The following DENND5B variants were observed in gnomAD, a reference collection of about 807,000 sequenced individuals.
The protein encoded by DENND5B is DENN domain-containing protein 5B.
A neutral mutation model predicts 140.6 loss-of-function variants in DENND5B; 34 were observed. That is an observed-to-expected ratio of 0.24 (90% CI 0.18 to 0.32). DENND5B has a LOEUF of 0.32. DENND5B is among the 10% of genes least tolerant of loss of function. The pLI is 1.00. For missense variants in DENND5B, 1,142 were observed against 1,560.2 expected (o/e 0.73, Z 4.52); for synonymous variants, 551 against 562.1 (o/e 0.98, Z 0.28).
chr12:31,575,663 T>A (rs116948705), intron 1 of DENND5B, among the ~76,000 whole-genome samples: 3 of 152,112 alleles, frequency 2.0e-5, no homozygotes, highest in Non-Finnish European at 4.4e-5. Context: ...TATAAGAAAT[T>A]GCCCAGTTTC....
chr12:31,397,220 C>T (rs1941522150), intron 17 of DENND5B, among the ~76,000 whole-genome samples: 1 of 151,898 alleles, frequency 6.6e-6, no homozygotes, highest in East Asian at 1.9e-4. Context: ...AAAGTTGGGA[C>T]AGAAGGGGTA....
intron 5 of DENND5B, among the ~76,000 whole-genome samples, chr12:31,450,140 AG>A (rs1301470924): frequency 1.3e-5 from 2 of 152,236 alleles, no homozygotes; most frequent in Non-Finnish European, 2.9e-5. Flanking sequence ...TTAATATTAA[AG>A]AAGTTTTCTC....
intron 1 of DENND5B, among the ~76,000 whole-genome samples, chr12:31,541,752 G>T (rs118045471): frequency 2.8e-3 from 420 of 152,284 alleles, no homozygotes; most frequent in Non-Finnish European, 5.5e-3. Flanking sequence ...GCACTTCCAC[G>T]TTTATTACAG....
chr12:31,586,202 G>T (rs1950387746), intron 1 of DENND5B, among the ~76,000 whole-genome samples: 1 of 152,170 alleles, frequency 6.6e-6, no homozygotes, highest in South Asian at 2.1e-4. Context: ...AATGATGTCT[G>T]CCTTCCCTGA....
chr12:31,480,847 G>C (rs1946042093), intron 2 of DENND5B, among the ~76,000 whole-genome samples: 1 of 152,110 alleles, frequency 6.6e-6, no homozygotes, highest in Non-Finnish European at 1.5e-5. Context: ...AAAGCTTTTT[G>C]ATCTACTAAA....
intron 11 of DENND5B, among the ~76,000 whole-genome samples, chr12:31,422,458 C>G (rs986013847): frequency 6.6e-6 from 1 of 150,516 alleles, no homozygotes; most frequent in South Asian, 2.1e-4. Flanking sequence ...AAAAAATAGC[C>G]GGGCATGGGA....
chr12:31,420,092 G>A, intron 11 of DENND5B: 2 of 983,704 alleles, frequency 2.0e-6, no homozygotes, highest in Non-Finnish European at 2.4e-6. Flanking sequence ...TTGTCTGAAG[G>A]TGCAAAGTTT....
rs187280740 is a variant in DENND5B, at chr12:31,579,662, T to A, written c.127+11044A>T. Among the ~76,000 whole-genome samples the A allele has an allele frequency of 1.3e-3, 196 of 151,176 alleles. 2 individuals carry two copies. In the South Asian group the frequency reaches 0.015, roughly 12 times the overall value. Reference sequence around the variant, plus strand: ...GGTTTATTTATTTATTTATTTATTTTTTTGAGACACAGCGAGATTCTGAGA... The same window carrying A: ...GGTTTATTTATTTATTTATTTATTTATTTGAGACACAGCGAGATTCTGAGA... On this transcript the variant is annotated intron_variant, in intron 1 of 20. Coordinates refer to ENST00000389082, the MANE Select transcript of DENND5B (RefSeq NM_144973.4).
chr12:31,393,313 T>C (rs1280574018), intron 17 of DENND5B, among the ~76,000 whole-genome samples: 1 of 152,164 alleles, frequency 6.6e-6, no homozygotes, highest in East Asian at 1.9e-4. Context: ...GTGTTTAAAA[T>C]AAGGGGAAGA....
In DENND5B at chr12:31,567,876, G is replaced by A. The variant is rs1162806979; in HGVS notation, c.127+22830C>T. Among the ~76,000 whole-genome samples, 6 of 152,206 alleles carry A rather than the reference G, an allele frequency of 3.9e-5. No homozygotes were observed. In the East Asian group the frequency reaches 1.2e-3, roughly 29 times the overall value. On this transcript the variant is annotated intron_variant, in intron 1 of 20. Coordinates refer to ENST00000389082, the MANE Select transcript of DENND5B (RefSeq NM_144973.4). ...TTTTCTATTTTTAGGGGGTTGTTTT[G>A]TTTTGTAGAGACAGGGTCTTGCTTT... is the stretch of plus-strand genomic sequence containing the variant.
At chr12:31,428,608 C>T (rs191624921) in intron 8 of DENND5B, among the ~76,000 whole-genome samples, 168 of 151,988 alleles carry the variant, frequency 1.1e-3, no homozygotes, top group East Asian at 3.9e-4. Flanking sequence ...CGCTCTGTCA[C>T]CCAGGCTGGA....
chr12:31,398,427 C>T (rs1941604041), intron 16 of DENND5B, 65 bp from the exon 17 acceptor site: 4 of 1,455,986 alleles, frequency 2.7e-6, no homozygotes, highest in Admixed American at 2.6e-5. Flanking sequence ...CGCTCAGCCC[C>T]CTGAGTAGTT....
chr12:31,397,264 C>A (rs1358171199), intron 17 of DENND5B, among the ~76,000 whole-genome samples: 1 of 151,938 alleles, frequency 6.6e-6, no homozygotes, highest in African/African-American at 2.4e-5. Context: ...ATAAGAGACA[C>A]TGGGGCGGGC....
At chr12:31,490,553 G>C (rs1267568472) in intron 2 of DENND5B, among the ~76,000 whole-genome samples, 4 of 151,914 alleles carry the variant, frequency 2.6e-5, no homozygotes, top group African/African-American at 7.3e-5. Flanking sequence ...CAAGGCTGCA[G>C]TGAGCCAAGA....
At chr12:31,539,565 A>G (rs1271663) in intron 1 of DENND5B, among the ~76,000 whole-genome samples, 120,912 of 152,026 alleles carry the variant, frequency 0.8, 48,523 homozygotes, top group African/African-American at 0.89. Context: ...ATGCAAGGAT[A>G]GTTCAACATA....
chr12:31,590,637 T>TCCCGCGCGTC, intron 1 of DENND5B, 69 bp downstream of exon 1: 1 of 1,376,302 alleles, frequency 7.3e-7, no homozygotes, highest in Non-Finnish European at 9.3e-7. Flanking sequence ...GCACCCCGCC[T>TCCCGCGCGTC]CCCGCGCGTC....
At position 31,402,585 on chromosome 12, in the gene DENND5B, T is replaced by C. The variant is rs1393303190; in HGVS notation, c.2862A>G (p.Thr954=). The change falls in exon 15 of 21, where the codon ACA becomes ACG. Residue 954 remains threonine (T), a synonymous_variant. Transcript: ENST00000389082. ...PIKKLSNAII[T]SNPWICVSGE... ...CTGATACACAGATCCAAGGGTTTGA[T>C]GTGATTATTGCATTGCTCAGCTTTT... 3 of 1,613,974 alleles carry C rather than the reference T, an allele frequency of 1.9e-6. No individual in the cohort carries two copies. The highest frequency in any genetic ancestry group is 1.1e-5 in the South Asian group (1 of 91,062).
At chr12:31,434,691 C>G (rs576289718) in intron 7 of DENND5B, among the ~76,000 whole-genome samples, 7 of 152,296 alleles carry the variant, frequency 4.6e-5, no homozygotes, top group Admixed American at 1.3e-4. Context: ...GAATTTGGAA[C>G]CTGGCTCAGT....
intron 11 of DENND5B, among the ~76,000 whole-genome samples, chr12:31,416,194 CA>C (rs1339866971): frequency 1.3e-5 from 2 of 152,014 alleles, no homozygotes; most frequent in African/African-American, 4.8e-5. Context: ...AAATGAATCA[CA>C]AAAGACTACC....
Sources: allele counts gnomAD v4.1 joint callset (sites outside exome capture counted in the v4.1 genomes callset), GRCh38; gene constraint gnomAD v4.1.1; transcripts MANE v1.5; gene names NCBI Gene and HGNC (gene_info 2026-07-23, HGNC 2026-07-21).